SPPL3: variants seen among roughly 807,000 people sequenced by gnomAD.
The protein encoded by SPPL3 is signal peptide peptidase like 3.
In SPPL3, 5 loss-of-function variants were observed where a neutral mutation model predicts 42.4. That is an observed-to-expected ratio of 0.12 (90% CI 0.06 to 0.25). The LOEUF is 0.25. Ranked by LOEUF, SPPL3 falls within the 10% of genes least tolerant of loss-of-function variation. The probability of loss-of-function intolerance (pLI) is 1.00; values close to 1 mark genes in which losing one functional copy is unlikely to be tolerated. For synonymous variants in SPPL3, 195 were observed against 181.8 expected (o/e 1.07, Z -0.58); for missense variants, 235 against 489.0 (o/e 0.48, Z 4.90).
At chr12:120,873,258 T>C (rs1377098895) in intron 1 of SPPL3, among the ~76,000 whole-genome samples, 4 of 152,104 alleles carry the variant, frequency 2.6e-5, no homozygotes, top group African/African-American at 9.7e-5. Flanking sequence ...CAGTAAAAAG[T>C]ACCCACAGTG....
At chr12:120,867,435 G>C (rs550763530) in intron 1 of SPPL3, among the ~76,000 whole-genome samples, 3 of 152,240 alleles carry the variant, frequency 2.0e-5, no homozygotes, top group East Asian at 3.9e-4. Flanking sequence ...GGAAGGCCGA[G>C]GTGGGTGGAT....
At chr12:120,794,287 C>T (rs1870024255) in intron 2 of SPPL3, among the ~76,000 whole-genome samples, 1 of 151,578 alleles carries the variant, frequency 6.6e-6, no homozygotes, top group Non-Finnish European at 1.5e-5. Flanking sequence ...TTTTTTAATC[C>T]TAACCACTAG....
Position 120,780,818 on chromosome 12 carries a change from C to A in SPPL3, c.502+1837G>T, listed in dbSNP as rs1025020509. Among the ~76,000 whole-genome samples, 3 of 151,322 alleles carry A rather than the reference C, an allele frequency of 2.0e-5. No homozygotes were observed. In the East Asian group the frequency reaches 5.8e-4, roughly 29 times the overall value. Reference sequence around the variant, plus strand: ...ATCCCAGCTACTTGGGAGGCTGAGGCAGAATAGTTGGAATCCGGGAGACGA... The same window carrying A: ...ATCCCAGCTACTTGGGAGGCTGAGGAAGAATAGTTGGAATCCGGGAGACGA... On this transcript the variant is annotated intron_variant, in intron 6 of 10. Transcript: ENST00000353487.
chr12:120,838,167 C>T (rs1282305086), intron 1 of SPPL3, among the ~76,000 whole-genome samples: 8 of 152,124 alleles, frequency 5.3e-5, no homozygotes, highest in South Asian at 2.1e-4. Context: ...GACATAGACA[C>T]GAAAGGCTAG....
intron 1 of SPPL3, among the ~76,000 whole-genome samples, chr12:120,889,368 A>C (rs1873561578): frequency 6.6e-6 from 1 of 152,208 alleles, no homozygotes; most frequent in South Asian, 2.1e-4. Context: ...TCTTCCCACT[A>C]ATGGGCGTAA....
intron 1 of SPPL3, chr12:120,811,164 T>A (rs187440541): frequency 8.2e-6 from 2 of 245,244 alleles, no homozygotes; most frequent in East Asian, 1.8e-4. Context: ...GTTTACAACA[T>A]CCACCCCCAA....
intron 1 of SPPL3, among the ~76,000 whole-genome samples, chr12:120,819,685 C>T (rs1307260217): frequency 6.6e-6 from 1 of 152,192 alleles, no homozygotes; most frequent in Non-Finnish European, 1.5e-5. Context: ...CTTTGGAATA[C>T]AGCAGAAGTG....
chr12:120,768,615 G>C, intron 7 of SPPL3, 127 bp from the exon 8 acceptor site: 1 of 1,120,444 alleles, frequency 8.9e-7, no homozygotes, highest in East Asian at 2.4e-5. Flanking sequence ...TTGACTGTAT[G>C]ATTTGAGAAA....
At chr12:120,804,044 CA>C (rs1870412868) in intron 2 of SPPL3, among the ~76,000 whole-genome samples, 1 of 152,156 alleles carries the variant, frequency 6.6e-6, no homozygotes, top group Admixed American at 6.5e-5. Context: ...AAGAACTCAG[CA>C]TCTCTGCAGG....
intron 4 of SPPL3, 94 bp from the exon 5 acceptor site, chr12:120,783,846 A>T: frequency 9.8e-7 from 1 of 1,017,050 alleles, no homozygotes; most frequent in Non-Finnish European, 1.5e-6. Flanking sequence ...AGACAAGTGG[A>T]TACGGTTAAT....
chr12:120,792,575 CG>C (rs937323590), intron 2 of SPPL3, among the ~76,000 whole-genome samples: 1 of 151,462 alleles, frequency 6.6e-6, no homozygotes, highest in Non-Finnish European at 1.5e-5. Flanking sequence ...TGGTGCGTGC[CG>C]GTAGTTCCAG....
At chr12:120,796,333 G>A (rs187693712) in intron 2 of SPPL3, among the ~76,000 whole-genome samples, 8 of 152,236 alleles carry the variant, frequency 5.3e-5, no homozygotes, top group African/African-American at 1.4e-4. Flanking sequence ...CTGAGATCAC[G>A]CCACTGCACT....
intron 2 of SPPL3, among the ~76,000 whole-genome samples, chr12:120,808,388 T>A (rs947766799): frequency 3.3e-5 from 5 of 152,168 alleles, no homozygotes; most frequent in Admixed American, 6.6e-5. Context: ...TTTCCTCATT[T>A]GTAAACAGGG....
chr12:120,812,521 A>G (rs1216127996), intron 1 of SPPL3, among the ~76,000 whole-genome samples: 2 of 152,206 alleles, frequency 1.3e-5, no homozygotes, highest in East Asian at 3.9e-4. Flanking sequence ...ATATATACTG[A>G]GAGCTCATCA....
At chr12:120,865,470 G>A (rs539379264) in intron 1 of SPPL3, among the ~76,000 whole-genome samples, 2 of 152,310 alleles carry the variant, frequency 1.3e-5, no homozygotes, top group East Asian at 1.9e-4. Flanking sequence ...TGCAAAATGA[G>A]TACAATAGTA....
At chr12:120,814,385 C>T (rs1870795854) in intron 1 of SPPL3, among the ~76,000 whole-genome samples, 1 of 152,228 alleles carries the variant, frequency 6.6e-6, no homozygotes. Context: ...AGCAATGATG[C>T]AGCTGTGGCT....
intron 1 of SPPL3, among the ~76,000 whole-genome samples, chr12:120,879,428 G>A (rs1873213925): frequency 6.6e-6 from 1 of 152,036 alleles, no homozygotes; most frequent in Admixed American, 6.5e-5. Context: ...AACTGTGAGT[G>A]GTACTTCCCA....
Position 120,768,493 on chromosome 12 carries a change from C to T in SPPL3, c.610-5G>A. On this transcript the variant is annotated splice_region_variant and splice_polypyrimidine_tract_variant and intron_variant, in intron 7 of 10. Coordinates refer to ENST00000353487, the MANE Select transcript of SPPL3 (RefSeq NM_139015.5). ...GATGTAGGCTGAGAAAAATACCTGC[C>T]GAGTTGGAGAGATGCCTTTAACAGA... 1 of 1,609,842 alleles carries T rather than the reference C, an allele frequency of 6.2e-7. No homozygotes were observed. Among genetic ancestry groups the T allele is most frequent in the Non-Finnish European group, 8.5e-7 (1 of 1,177,164 alleles).
intron 1 of SPPL3, among the ~76,000 whole-genome samples, chr12:120,847,701 G>T (rs752651073): frequency 1.4e-4 from 21 of 152,032 alleles, no homozygotes; most frequent in Non-Finnish European, 2.9e-4. Flanking sequence ...AAAGTGCTAG[G>T]ATTACAGGTG....
Sources: allele counts gnomAD v4.1 joint callset (sites outside exome capture counted in the v4.1 genomes callset), GRCh38; gene constraint gnomAD v4.1.1; transcripts MANE v1.5; gene names NCBI Gene and HGNC (gene_info 2026-07-23, HGNC 2026-07-21).